Variants in FHIT observed in about 807,000 individuals in gnomAD.
FHIT encodes fragile histidine triad diadenosine triphosphatase.
Under a neutral mutation model 17.9 loss-of-function variants are expected in FHIT, and 19 were observed. That is an observed-to-expected ratio of 1.06 (90% CI 0.74 to 1.56). The LOEUF (loss-of-function observed/expected upper bound fraction) is 1.56, where lower values mean the gene tolerates loss of function less well. Among genes scored for constraint, FHIT ranks in the 40% most tolerant of loss-of-function variants. FHIT has a pLI of 0.00. For synonymous variants in FHIT, 81 were observed against 69.7 expected (o/e 1.16, Z -0.81); for missense variants, 248 against 189.2 (o/e 1.31, Z -1.82).
intron 5 of FHIT, among the ~76,000 whole-genome samples, chr3:60,275,153 T>G (rs1707064110): frequency 6.6e-6 from 1 of 151,760 alleles, no homozygotes; most frequent in Non-Finnish European, 1.5e-5. Flanking sequence ...ATTTTGGAAC[T>G]AGGCATATTT....
chr3:59,848,817 A>C (rs1701820639), intron 8 of FHIT, among the ~76,000 whole-genome samples: 1 of 152,174 alleles, frequency 6.6e-6, no homozygotes, highest in Non-Finnish European at 1.5e-5. Context: ...TTCTTCCTTC[A>C]ATGCCCAGTA....
intron 5 of FHIT, among the ~76,000 whole-genome samples, chr3:60,449,736 G>A (rs2031592794): frequency 6.6e-6 from 1 of 152,082 alleles, no homozygotes; most frequent in Non-Finnish European, 1.5e-5. Context: ...CTGGCGTGGT[G>A]ACTCAGGCCT....
chr3:60,622,889 CT>C (rs1553679328), intron 4 of FHIT, among the ~76,000 whole-genome samples: 1 of 152,222 alleles, frequency 6.6e-6, no homozygotes, highest in Non-Finnish European at 1.5e-5. Flanking sequence ...AGAAGCATCT[CT>C]TCTCCCAGGC....
At chr3:60,052,311 C>A (rs1448231491) in intron 5 of FHIT, among the ~76,000 whole-genome samples, 1 of 152,040 alleles carries the variant, frequency 6.6e-6, no homozygotes, top group Non-Finnish European at 1.5e-5. Flanking sequence ...CACGAGTACA[C>A]CCTGAAAAAC....
intron 8 of FHIT, among the ~76,000 whole-genome samples, chr3:59,895,620 C>T (rs1225263823): frequency 6.6e-6 from 1 of 152,144 alleles, no homozygotes; most frequent in Non-Finnish European, 1.5e-5. Flanking sequence ...GTCAACTTGA[C>T]CAGCACCAAC....
chr3:60,529,916 T>A (rs765235195), intron 5 of FHIT, among the ~76,000 whole-genome samples: 3 of 152,076 alleles, frequency 2.0e-5, no homozygotes, highest in African/African-American at 4.8e-5. Context: ...CAGAATTACA[T>A]TCTGTGTAGA....
chr3:60,476,961 A>G (rs927910787), intron 5 of FHIT, among the ~76,000 whole-genome samples: 2 of 151,024 alleles, frequency 1.3e-5, no homozygotes, highest in African/African-American at 4.9e-5. Flanking sequence ...TACCATAAAC[A>G]GAACAAACTA....
intron 7 of FHIT, among the ~76,000 whole-genome samples, chr3:59,974,751 T>G (rs1342556704): frequency 6.6e-6 from 1 of 152,050 alleles, no homozygotes; most frequent in Non-Finnish European, 1.5e-5. Context: ...TGCCTTTAGG[T>G]GTGTGAATTC....
At chr3:61,134,129 A>ACACACACACACACC (rs1328885567) in intron 2 of FHIT, among the ~76,000 whole-genome samples, 12 of 151,894 alleles carry the variant, frequency 7.9e-5, no homozygotes, top group African/African-American at 2.7e-4. Flanking sequence ...ACACACACAC[A>ACACACACACACACC]CAAAGAGGTC....
intron 3 of FHIT, among the ~76,000 whole-genome samples, chr3:60,826,379 T>A (rs1702123676): frequency 6.6e-6 from 1 of 152,214 alleles, no homozygotes; most frequent in African/African-American, 2.4e-5. Flanking sequence ...CAGGCTGAAG[T>A]GCAATGGCAC....
intron 8 of FHIT, among the ~76,000 whole-genome samples, chr3:59,816,772 T>A (rs936977751): frequency 6.6e-6 from 1 of 152,234 alleles, no homozygotes; most frequent in Non-Finnish European, 1.5e-5. Context: ...TCTTGAACCA[T>A]ACTCCCTGTT....
chr3:59,935,330 A>G lies in FHIT; in HGVS notation c.280-12916T>C, dbSNP rs187989082. Reference sequence around the variant, plus strand: ...GTACATGTGCTTGGTAGAAAAAATTATAAGTGTTCTTCCTTCCATGTGGAG... The same window carrying G: ...GTACATGTGCTTGGTAGAAAAAATTGTAAGTGTTCTTCCTTCCATGTGGAG... On this transcript the variant is annotated intron_variant, in intron 7 of 9. Coordinates refer to ENST00000492590, the MANE Select transcript of FHIT (RefSeq NM_002012.4). Among the ~76,000 whole-genome samples the G allele has an allele frequency of 8.5e-5, 13 of 152,268 alleles. No homozygotes were observed. In the East Asian group the frequency reaches 2.3e-3, roughly 27 times the overall value.
chr3:60,362,776 A>C (rs1699955140), intron 5 of FHIT, among the ~76,000 whole-genome samples: 1 of 152,192 alleles, frequency 6.6e-6, no homozygotes, highest in Non-Finnish European at 1.5e-5. Context: ...CCTTCCTTAT[A>C]GAGTTATAGT....
chr3:60,246,180 G>A (rs573309779), intron 5 of FHIT, among the ~76,000 whole-genome samples: 1 of 152,096 alleles, frequency 6.6e-6, no homozygotes, highest in East Asian at 1.9e-4. Flanking sequence ...GAAATGTAGA[G>A]AAAAACAAAA....
intron 8 of FHIT, among the ~76,000 whole-genome samples, chr3:59,899,358 C>A (rs1704220057): frequency 6.6e-6 from 1 of 152,184 alleles, no homozygotes; most frequent in Admixed American, 6.5e-5. Context: ...ATGGAAAGGA[C>A]TGAACTCTCT....
At position 60,463,668 on chromosome 3, in the gene FHIT, G is replaced by A. The variant is rs374468872; in HGVS notation, c.103+73192C>T. On this transcript the variant is annotated intron_variant, in intron 5 of 9. Coordinates refer to ENST00000492590, the MANE Select transcript of FHIT (RefSeq NM_002012.4). ...ACTTGCCAAGCTGTCCATGTGGGAG[G>A]TTATAGCATGCCCAGAGAAGTTGCC... 4.8e-4 allele frequency among the ~76,000 whole-genome samples: 73 copies of A among 152,286 alleles called. 3 individuals are homozygous for A. In the South Asian group the frequency reaches 0.015, roughly 31 times the overall value.
chr3:60,955,094 G>T (rs940252462), intron 3 of FHIT, among the ~76,000 whole-genome samples: 1 of 152,054 alleles, frequency 6.6e-6, no homozygotes, highest in Non-Finnish European at 1.5e-5. Context: ...AAAACGTTAA[G>T]TCAAATCTAG....
chr3:59,783,255 G>A (rs1702680174), intron 8 of FHIT, among the ~76,000 whole-genome samples: 1 of 152,194 alleles, frequency 6.6e-6, no homozygotes, highest in African/African-American at 2.4e-5. Flanking sequence ...AAGATCACGA[G>A]GTCAAGAGAT....
chr3:60,329,894 C>G (rs527496861), intron 5 of FHIT, among the ~76,000 whole-genome samples: 1 of 152,276 alleles, frequency 6.6e-6, no homozygotes, highest in East Asian at 1.9e-4. Flanking sequence ...TTGAAAAAGA[C>G]TTGCATCTAT....
Sources: gnomAD v4.1 joint callset for allele counts (sites outside exome capture counted in the v4.1 genomes callset) on GRCh38, gnomAD v4.1.1 for gene constraint, MANE v1.5 for transcripts, NCBI Gene and HGNC (gene_info 2026-07-23, HGNC 2026-07-21) for gene names.